The following RERE variants were observed in gnomAD, a reference collection of about 807,000 sequenced individuals.
The protein encoded by RERE is arginine-glutamic acid dipeptide repeats, also known as arginine-glutamic acid dipeptide repeats protein.
In RERE, 40 loss-of-function variants were observed where a neutral mutation model predicts 146.1. The observed-to-expected ratio is 0.27, with a 90% confidence interval of 0.21 to 0.36. RERE has a LOEUF of 0.36. RERE is among the 10% of genes least tolerant of loss of function. RERE has a pLI of 1.00. For synonymous variants in RERE, 1,003 were observed against 866.0 expected (o/e 1.16, Z -2.78); for missense variants, 1,933 against 2,138.7 (o/e 0.90, Z 1.90).
intron 1 of RERE, among the ~76,000 whole-genome samples, chr1:8,749,626 A>C (rs891867809): frequency 6.6e-6 from 1 of 152,224 alleles, no homozygotes; most frequent in Non-Finnish European, 1.5e-5. Context: ...TTAGTTCCTA[A>C]AACAACAGAA....
intron 1 of RERE, among the ~76,000 whole-genome samples, chr1:8,665,232 G>A (rs1176670384): frequency 6.6e-6 from 1 of 152,130 alleles, no homozygotes; most frequent in Non-Finnish European, 1.5e-5. Context: ...TTCAAAACAG[G>A]TTAAATTCCC....
At chr1:8,644,394 G>A (rs761629157) in intron 2 of RERE, among the ~76,000 whole-genome samples, 5 of 152,118 alleles carry the variant, frequency 3.3e-5, no homozygotes, top group Admixed American at 6.5e-5. Flanking sequence ...GAACGCTCTC[G>A]TTCCAAGTAG....
intron 12 of RERE, among the ~76,000 whole-genome samples, chr1:8,369,061 G>A (rs373920168): frequency 6.6e-6 from 1 of 152,126 alleles, no homozygotes; most frequent in Admixed American, 6.5e-5. Context: ...AGCCCAGTGT[G>A]CTGGTGTGTG....
chr1:8,532,395 C>A (rs1279922304), intron 7 of RERE, among the ~76,000 whole-genome samples: 1 of 121,370 alleles, frequency 8.2e-6, no homozygotes, highest in Admixed American at 1.1e-4. Flanking sequence ...GAGTCTGATT[C>A]ATTTTTCTTT....
chr1:8,559,341 A>G (rs1341631742), intron 4 of RERE, among the ~76,000 whole-genome samples: 1 of 150,832 alleles, frequency 6.6e-6, no homozygotes, highest in Non-Finnish European at 1.5e-5. Context: ...AGTAAATAAC[A>G]TAAATACCAA....
intron 1 of RERE, among the ~76,000 whole-genome samples, chr1:8,761,533 G>A (rs1228261614): frequency 1.3e-5 from 2 of 152,126 alleles, no homozygotes; most frequent in African/African-American, 2.4e-5. Flanking sequence ...AAGACTATAT[G>A]CCTTGTTCTA....
At chr1:8,629,339 G>A (rs1387641919) in intron 2 of RERE, among the ~76,000 whole-genome samples, 1 of 152,162 alleles carries the variant, frequency 6.6e-6, no homozygotes, top group African/African-American at 2.4e-5. Context: ...TCCGTAATTT[G>A]GGCAATGATA....
intron 1 of RERE, among the ~76,000 whole-genome samples, chr1:8,677,129 A>T (rs1257754114): frequency 6.6e-6 from 1 of 152,092 alleles, no homozygotes; most frequent in Non-Finnish European, 1.5e-5. Flanking sequence ...ATCCACTTCA[A>T]GTGTCAGAAA....
chr1:8,811,273 C>A (rs1641801907), intron 1 of RERE, among the ~76,000 whole-genome samples: 1 of 152,204 alleles, frequency 6.6e-6, no homozygotes, highest in Non-Finnish European at 1.5e-5. Flanking sequence ...CATCACTGTA[C>A]TCCCTTGCTT....
chr1:8,486,838 C>T (rs1158628667), intron 10 of RERE, among the ~76,000 whole-genome samples: 1 of 150,328 alleles, frequency 6.7e-6, no homozygotes, highest in East Asian at 1.9e-4. Context: ...ACTGTGAATT[C>T]TGGCAAACAT....
intron 12 of RERE, among the ~76,000 whole-genome samples, chr1:8,409,677 A>T (rs966692843): frequency 1.3e-5 from 2 of 152,224 alleles, no homozygotes; most frequent in Admixed American, 6.5e-5. Context: ...CACACTCATG[A>T]AGGCGTATGT....
At chr1:8,613,903 G>A (rs540247893) in intron 4 of RERE, among the ~76,000 whole-genome samples, 221 of 152,208 alleles carry the variant, frequency 1.5e-3, no homozygotes, top group African/African-American at 5.0e-3. Flanking sequence ...TGTACTAAAC[G>A]ATAATAACCC....
intron 1 of RERE, among the ~76,000 whole-genome samples, chr1:8,717,889 A>C (rs1639792839): frequency 6.6e-6 from 1 of 152,232 alleles, no homozygotes; most frequent in East Asian, 1.9e-4. Context: ...GTGCACTCCA[A>C]GTGGTGATTG....
At position 8,358,662 on chromosome 1, in the gene RERE, G is replaced by A. The variant is rs764472113; in HGVS notation, c.3873C>T (p.Gly1291=). 19 of 1,585,700 alleles carry A rather than the reference G, an allele frequency of 1.2e-5. No individual in the cohort carries two copies. In the South Asian group the frequency reaches 1.5e-4, roughly 13 times the overall value. ...TDPLLAYHMP[G]LYNVDPTIRE... is the part of the protein sequence containing the mutation. ...GGATGGTGGGGTCGACGTTGTAGAG[G>A]CCAGGCATGTGGTAGGCCAGCAGGG... Residue 1291 remains glycine, a synonymous_variant, in exon 20 of 23, where the codon GGC becomes GGT. Coordinates refer to ENST00000400908, the MANE Select transcript of RERE (RefSeq NM_001042681.2).
chr1:8,467,713 C>T (rs938187723), intron 10 of RERE, among the ~76,000 whole-genome samples: 8 of 152,032 alleles, frequency 5.3e-5, no homozygotes, highest in Admixed American at 3.9e-4. Context: ...GGCGCGATCA[C>T]GGCTCACTGC....
chr1:8,759,993 A>G (rs1015409817), intron 1 of RERE, among the ~76,000 whole-genome samples: 2 of 152,118 alleles, frequency 1.3e-5, no homozygotes, highest in Non-Finnish European at 2.9e-5. Context: ...TCCCCAAGTA[A>G]ATAGACCTAG....
At chr1:8,481,229 G>C (rs1167668941) in intron 10 of RERE, among the ~76,000 whole-genome samples, 1 of 152,174 alleles carries the variant, frequency 6.6e-6, no homozygotes, top group Non-Finnish European at 1.5e-5. Flanking sequence ...CGATTCTCCT[G>C]CCTCAGCCTC....
chr1:8,369,556 A>C (rs942604217), intron 12 of RERE, among the ~76,000 whole-genome samples: 5 of 147,770 alleles, frequency 3.4e-5, no homozygotes, highest in Admixed American at 6.7e-5. Flanking sequence ...GAAAATGACC[A>C]GGCAGGAAGG....
intron 2 of RERE, among the ~76,000 whole-genome samples, chr1:8,637,342 A>G (rs1488246090): frequency 2.0e-5 from 3 of 152,176 alleles, no homozygotes; most frequent in Non-Finnish European, 4.4e-5. Context: ...TTGTGAGGGC[A>G]GGTGGATGGT....
Sources: gnomAD v4.1 joint callset for allele counts (sites outside exome capture counted in the v4.1 genomes callset) on GRCh38, gnomAD v4.1.1 for gene constraint, MANE v1.5 for transcripts, NCBI Gene and HGNC (gene_info 2026-07-23, HGNC 2026-07-21) for gene names.